Variants in KLRD1 observed in about 807,000 individuals in gnomAD.
KLRD1 encodes the protein natural killer cells antigen CD94.
A neutral mutation model predicts 22.6 loss-of-function variants in KLRD1; 21 were observed. That is an observed-to-expected ratio of 0.93 (90% CI 0.66 to 1.34). The LOEUF (loss-of-function observed/expected upper bound fraction) is 1.34. Ranked by LOEUF, KLRD1 falls within the 40% of genes most tolerant of loss-of-function variation. The probability of loss-of-function intolerance (pLI) is 0.00; values close to 1 mark genes in which losing one functional copy is unlikely to be tolerated. For synonymous variants in KLRD1, 59 were observed against 71.1 expected, an observed-to-expected ratio of 0.83 and a Z score of 0.85; for missense variants, 183 against 208.6, an observed-to-expected ratio of 0.88 and a Z score of 0.76.
At chr12:10,283,126 T>C (rs1375272253) in intron 1 of KLRD1, among the ~76,000 whole-genome samples, 4 of 152,180 alleles carry the variant, frequency 2.6e-5, no homozygotes, top group Non-Finnish European at 5.9e-5. Flanking sequence ...ACAATTCAGA[T>C]ATGGGCAAAA....
intron 1 of KLRD1, among the ~76,000 whole-genome samples, chr12:10,276,208 T>C (rs1482188176): frequency 1.3e-5 from 2 of 152,184 alleles, no homozygotes; most frequent in African/African-American, 4.8e-5. Context: ...AGGACTATTA[T>C]AAATAATAGT....
chr12:10,250,613 A>G lies in KLRD1; in HGVS notation c.-101+24380A>G, dbSNP rs56851265. On this transcript the variant is annotated intron_variant, in intron 1 of 5. Transcript: ENST00000544747. ...GCTGGGACTACAGGCTCCCGCCACCATGCCAGGCTAATTTTTGTATTTGTC... is the reference window on the plus strand; with the variant it reads ...GCTGGGACTACAGGCTCCCGCCACCGTGCCAGGCTAATTTTTGTATTTGTC... Among the ~76,000 whole-genome samples the G allele has an allele frequency of 3.1e-3, 469 of 152,088 alleles. 2 individuals are homozygous for G. The Middle Eastern group carries it at 0.034, about 11-fold the overall frequency.
chr12:10,282,434 T>G (rs1949654192), intron 1 of KLRD1, among the ~76,000 whole-genome samples: 1 of 152,110 alleles, frequency 6.6e-6, no homozygotes, highest in African/African-American at 2.4e-5. Context: ...ATTTTGTATT[T>G]TTAGTAGAGA....
In KLRD1 at chr12:10,325,086, T is replaced by A. The variant is rs974386015; in HGVS notation, c.*10293T>A. ...GTAAACACCCTTGTTTTGCTATTGATCTTAGAGCATGAATATTCACTTTTT... is the reference window on the plus strand; with the variant it reads ...GTAAACACCCTTGTTTTGCTATTGAACTTAGAGCATGAATATTCACTTTTT... On this transcript the variant is annotated 3_prime_UTR_variant, in exon 6 of 6. Coordinates refer to ENST00000336164, the MANE Select transcript of KLRD1 (RefSeq NM_002262.5). The A allele has an allele frequency of 6.6e-6, 1 of 151,794 alleles. No individual in the cohort carries two copies. The highest frequency in any genetic ancestry group is 1.5e-5 in the Non-Finnish European group (1 of 67,898). The allele number at this position is 151,794 out of a possible 1,614,324, so 9.4% of individuals were successfully genotyped here.
Position 10,309,623 on chromosome 12 carries a change from T to C in KLRD1, c.101-3T>C, listed in dbSNP as rs1425105133. On this transcript the variant is annotated splice_polypyrimidine_tract_variant and splice_region_variant and intron_variant, in intron 2 of 5. Transcript: ENST00000336164. ...TAAACAAATTTCTAATCATTTCTTA[T>C]AGCTTTTACTAAACTGAGTATTGAG... The C allele has an allele frequency of 3.7e-6, 6 of 1,606,494 alleles. No homozygotes were observed. The highest frequency in any genetic ancestry group is 5.1e-6 in the Non-Finnish European group (6 of 1,173,474).
At chr12:10,239,571 C>CTTTCTT (rs1949221841) in intron 1 of KLRD1, among the ~76,000 whole-genome samples, 2 of 120,150 alleles carry the variant, frequency 1.7e-5, no homozygotes, top group Non-Finnish European at 3.5e-5. Flanking sequence ...TTCTTTCTTT[C>CTTTCTT]TTTCTTTCTT....
upstream of KLRD1, among the ~76,000 whole-genome samples, chr12:10,305,869 A>G (rs1440323332): frequency 6.6e-6 from 1 of 152,140 alleles, no homozygotes. Flanking sequence ...AAAAATAAAT[A>G]GAAAGAACAG....
chr12:10,247,868 C>T (rs973517562), intron 1 of KLRD1, among the ~76,000 whole-genome samples: 2 of 152,190 alleles, frequency 1.3e-5, no homozygotes, highest in East Asian at 1.9e-4. Context: ...ACGATTGAGA[C>T]CTCTGCAGCC....
chr12:10,306,711 A>C (rs1315525252), upstream of KLRD1, among the ~76,000 whole-genome samples: 1 of 152,230 alleles, frequency 6.6e-6, no homozygotes, highest in Non-Finnish European at 1.5e-5. Context: ...GTCTGGATGA[A>C]GTAGATTTTA....
intron 1 of KLRD1, among the ~76,000 whole-genome samples, chr12:10,274,237 G>C (rs192907737): frequency 6.6e-6 from 1 of 151,996 alleles, no homozygotes; most frequent in Non-Finnish European, 1.5e-5. Context: ...CTGAGATCGC[G>C]CCATTGCACT....
intron 1 of KLRD1, among the ~76,000 whole-genome samples, chr12:10,241,955 G>A (rs1949245170): frequency 6.6e-6 from 1 of 151,750 alleles, no homozygotes; most frequent in African/African-American, 2.4e-5. Context: ...AGGCTTTCAT[G>A]ACATCACAAT....
chr12:10,300,284 G>A (rs1949855865), upstream of KLRD1, among the ~76,000 whole-genome samples: 1 of 152,128 alleles, frequency 6.6e-6, no homozygotes, highest in South Asian at 2.1e-4. Context: ...ATATTAATAA[G>A]ACTTAAAAGT....
intron 1 of KLRD1, among the ~76,000 whole-genome samples, chr12:10,265,840 G>A (rs188977092): frequency 1.3e-5 from 2 of 152,276 alleles, no homozygotes; most frequent in African/African-American, 2.4e-5. Context: ...TCCCTGTACA[G>A]CTTCTTCATT....
At chr12:10,313,324 T>C in intron 4 of KLRD1, 86 bp from the exon 5 acceptor site, 2 of 709,096 alleles carry the variant, frequency 2.8e-6, no homozygotes, top group South Asian at 2.2e-5. Context: ...CTGAATCTTA[T>C]TCTAAACACT....
At chr12:10,245,062 A>G (rs1949278288) in intron 1 of KLRD1, among the ~76,000 whole-genome samples, 1 of 152,066 alleles carries the variant, frequency 6.6e-6, no homozygotes, top group Admixed American at 6.5e-5. Context: ...TTATCAATTA[A>G]TGTGCTCAAT....
intron 1 of KLRD1, among the ~76,000 whole-genome samples, chr12:10,295,623 G>T (rs564349340): frequency 8.5e-5 from 13 of 152,124 alleles, no homozygotes; most frequent in Non-Finnish European, 1.5e-4. Context: ...AAATACAGGT[G>T]ATAAAATGGA....
chr12:10,243,632 AAC>A (rs1565445089), intron 1 of KLRD1, among the ~76,000 whole-genome samples: 1 of 131,484 alleles, frequency 7.6e-6, no homozygotes, highest in Non-Finnish European at 1.5e-5. Flanking sequence ...AAAAAAAAAA[AAC>A]CGAAATGAAA....
At chr12:10,263,082 G>A (rs1317877213) in intron 1 of KLRD1, among the ~76,000 whole-genome samples, 1 of 151,906 alleles carries the variant, frequency 6.6e-6, no homozygotes, top group African/African-American at 2.4e-5. Flanking sequence ...TCATATATCT[G>A]TTTCCTTCTT....
At chr12:10,303,837 C>T (rs1410812813), upstream of KLRD1, among the ~76,000 whole-genome samples, 1 of 152,022 alleles carries the variant, frequency 6.6e-6, no homozygotes, top group African/African-American at 2.4e-5. Context: ...ATGAGGGTGG[C>T]AAAGTTTTGA....
Sources: allele counts gnomAD v4.1 joint callset (sites outside exome capture counted in the v4.1 genomes callset), GRCh38; gene constraint gnomAD v4.1.1; transcripts MANE v1.5; gene names NCBI Gene and HGNC (gene_info 2026-07-23, HGNC 2026-07-21).